Variants in PTPRD observed in about 807,000 individuals in gnomAD.
PTPRD encodes the protein receptor-type tyrosine-protein phosphatase delta.
A neutral mutation model predicts 214.5 loss-of-function variants in PTPRD; 34 were observed. That is an observed-to-expected ratio of 0.16 (90% CI 0.12 to 0.21). PTPRD has a LOEUF of 0.21. Ranked by LOEUF, PTPRD falls within the 10% of genes least tolerant of loss-of-function variation. PTPRD has a pLI of 1.00. For missense variants in PTPRD, 2,545 were observed against 2,398.7 expected (o/e 1.06, Z -1.27); for synonymous variants, 1,128 against 845.7 (o/e 1.33, Z -5.79).
intron 14 of PTPRD, among the ~76,000 whole-genome samples, chr9:8,579,884 C>T (rs967292518): frequency 2.0e-5 from 3 of 152,128 alleles, no homozygotes; most frequent in Non-Finnish European, 4.4e-5. Flanking sequence ...AAGTGGAAGC[C>T]TGGTGACCAG....
intron 2 of PTPRD, among the ~76,000 whole-genome samples, chr9:10,523,424 A>G (rs1367777698): frequency 1.3e-5 from 2 of 151,504 alleles, no homozygotes; most frequent in African/African-American, 4.8e-5. Flanking sequence ...CAAGTCTCCT[A>G]CTGTTCCCAC....
At chr9:9,659,161 A>C (rs531021975) in intron 7 of PTPRD, among the ~76,000 whole-genome samples, 1 of 152,250 alleles carries the variant, frequency 6.6e-6, no homozygotes, top group African/African-American at 2.4e-5. Flanking sequence ...GCAATTCATT[A>C]GTTACAAGTG....
intron 10 of PTPRD, among the ~76,000 whole-genome samples, chr9:9,092,467 T>C (rs2099777609): frequency 6.6e-6 from 1 of 152,084 alleles, no homozygotes; most frequent in African/African-American, 2.4e-5. Flanking sequence ...ATTACTCTTA[T>C]GCTTCATGGA....
chr9:8,936,508 C>G (rs974254449), intron 11 of PTPRD, among the ~76,000 whole-genome samples: 1 of 132,298 alleles, frequency 7.6e-6, no homozygotes, highest in Non-Finnish European at 1.6e-5. Context: ...TTGTGAAAGA[C>G]AAGCGATTTA....
intron 35 of PTPRD, among the ~76,000 whole-genome samples, chr9:8,412,930 A>G (rs578138883): frequency 2.0e-5 from 3 of 152,308 alleles, no homozygotes; most frequent in East Asian, 1.9e-4. Context: ...AACTCAGTAC[A>G]TAAGTAGATT....
At chr9:9,122,701 C>A (rs1447446365) in intron 10 of PTPRD, among the ~76,000 whole-genome samples, 2 of 152,136 alleles carry the variant, frequency 1.3e-5, no homozygotes, top group African/African-American at 4.8e-5. Flanking sequence ...GGATTGAAAT[C>A]CTGTGTTTCT....
At chr9:9,961,830 T>C (rs2094387141) in intron 4 of PTPRD, among the ~76,000 whole-genome samples, 1 of 152,084 alleles carries the variant, frequency 6.6e-6, no homozygotes. Context: ...ATGCAAAACA[T>C]AGTTATTGTC....
chr9:10,019,495 C>G (rs1301527335), intron 4 of PTPRD, among the ~76,000 whole-genome samples: 1 of 152,026 alleles, frequency 6.6e-6, no homozygotes, highest in African/African-American at 2.4e-5. Context: ...TATTGTGGCA[C>G]TATTCACAAT....
chr9:9,670,751 G>C (rs576339276), intron 7 of PTPRD, among the ~76,000 whole-genome samples: 1 of 152,192 alleles, frequency 6.6e-6, no homozygotes, highest in Non-Finnish European at 1.5e-5. Context: ...GCTTCCACAT[G>C]GTGTTGAGCC....
intron 3 of PTPRD, among the ~76,000 whole-genome samples, chr9:10,295,539 T>C (rs1181086342): frequency 1.3e-5 from 2 of 152,082 alleles, no homozygotes; most frequent in Non-Finnish European, 1.5e-5. Context: ...ATTACTCCCT[T>C]CTCTGTGATT....
intron 7 of PTPRD, among the ~76,000 whole-genome samples, chr9:9,682,691 A>G (rs538648764): frequency 7.2e-5 from 11 of 151,848 alleles, no homozygotes; most frequent in African/African-American, 1.7e-4. Context: ...TGCTCAGCAG[A>G]TAAGGAAATT....
chr9:8,600,665 G>C (rs745937565), intron 14 of PTPRD, among the ~76,000 whole-genome samples: 3 of 151,786 alleles, frequency 2.0e-5, no homozygotes, highest in Non-Finnish European at 4.4e-5. Context: ...TTGGCCAGAA[G>C]GGAACCTGCT....
intron 6 of PTPRD, among the ~76,000 whole-genome samples, chr9:9,763,165 A>G (rs2098675107): frequency 6.6e-6 from 1 of 152,210 alleles, no homozygotes; most frequent in Admixed American, 6.5e-5. Flanking sequence ...GCTGTGTTAG[A>G]AGTTATTCAA....
chr9:9,349,152 C>T lies in PTPRD; in HGVS notation c.-203+48297G>A, dbSNP rs184653739. Among the ~76,000 whole-genome samples, 510 of 152,128 alleles carry T rather than the reference C, an allele frequency of 3.4e-3. 1 individual carries two copies. Among genetic ancestry groups the T allele is most frequent in the Non-Finnish European group, 3.3e-3 (222 of 67,984 alleles). ...GTTTAAGAAAAAATAATTCACTCGACGTAAATCTGATCATATCACTTCTCT... is the reference window on the plus strand; with the variant it reads ...GTTTAAGAAAAAATAATTCACTCGATGTAAATCTGATCATATCACTTCTCT... On this transcript the variant is annotated intron_variant, in intron 9 of 45. Transcript: ENST00000381196.
chr9:9,415,583 C>T (rs1168734207), intron 8 of PTPRD, among the ~76,000 whole-genome samples: 1 of 151,978 alleles, frequency 6.6e-6, no homozygotes, highest in South Asian at 2.1e-4. Flanking sequence ...CACTTCATTC[C>T]CTTATAAGCA....
At chr9:8,731,175 C>T (rs182485912) in intron 12 of PTPRD, among the ~76,000 whole-genome samples, 84 of 152,320 alleles carry the variant, frequency 5.5e-4, no homozygotes, top group Middle Eastern at 3.4e-3. Context: ...ATAACCCTGA[C>T]TCTCAGGCTT....
At chr9:9,930,544 A>C (rs1251730310) in intron 5 of PTPRD, among the ~76,000 whole-genome samples, 1 of 152,198 alleles carries the variant, frequency 6.6e-6, no homozygotes, top group East Asian at 1.9e-4. Context: ...CTGCAGAAAA[A>C]GCATTGAAAC....
intron 8 of PTPRD, among the ~76,000 whole-genome samples, chr9:9,415,247 G>A (rs988581742): frequency 2.0e-5 from 3 of 152,092 alleles, no homozygotes; most frequent in African/African-American, 4.8e-5. Context: ...AGACGAAGGC[G>A]GGCAGATCTC....
At chr9:9,703,437 G>A (rs2154415819) in intron 7 of PTPRD, among the ~76,000 whole-genome samples, 1 of 152,208 alleles carries the variant, frequency 6.6e-6, no homozygotes, top group South Asian at 2.1e-4. Flanking sequence ...TCAAAGTGGG[G>A]TTTACATGGC....
Sources: allele counts gnomAD v4.1 joint callset (sites outside exome capture counted in the v4.1 genomes callset), GRCh38; gene constraint gnomAD v4.1.1; transcripts MANE v1.5; gene names NCBI Gene and HGNC (gene_info 2026-07-23, HGNC 2026-07-21).